RAPGEF4: variants seen among roughly 807,000 people sequenced by gnomAD.
RAPGEF4 encodes the protein Rap guanine nucleotide exchange factor 4, also known as RAP guanine-nucleotide-exchange factor (GEF) 4.
A neutral mutation model predicts 147.9 loss-of-function variants in RAPGEF4; 66 were observed. That is an observed-to-expected ratio of 0.45 (90% CI 0.37 to 0.55). RAPGEF4 has a LOEUF of 0.55. Ranked by LOEUF, RAPGEF4 falls within the 20% of genes least tolerant of loss-of-function variation. The probability of loss-of-function intolerance (pLI) is 0.00; values close to 1 mark genes in which losing one functional copy is unlikely to be tolerated. For missense variants in RAPGEF4, 1,071 were observed against 1,257.3 expected (o/e 0.85, Z 2.24); for synonymous variants, 419 against 442.7 (o/e 0.95, Z 0.67).
At chr2:172,963,749 A>C (rs992596796) in intron 8 of RAPGEF4, among the ~76,000 whole-genome samples, 1 of 152,142 alleles carries the variant, frequency 6.6e-6, no homozygotes, top group Non-Finnish European at 1.5e-5. Flanking sequence ...TTCCAGTTCC[A>C]TCCTCTCTCT....
intron 1 of RAPGEF4, among the ~76,000 whole-genome samples, chr2:172,775,691 A>C (rs1684093389): frequency 6.6e-6 from 1 of 151,908 alleles, no homozygotes; most frequent in African/African-American, 2.4e-5. Context: ...TATTAGACTC[A>C]GTGGGTATGA....
rs138162972 is a variant in RAPGEF4 at position 172,766,856 on chromosome 2, A to G, written c.66-28169A>G. ...AACAACTCATAACTTTTCATTTCTG[A>G]GTAGTATTCCATTGCGTGCATATAC... On this transcript the variant is annotated intron_variant, in intron 1 of 30. Transcript: ENST00000397081. Among the ~76,000 whole-genome samples, 95 of 152,356 alleles carry G rather than the reference A, an allele frequency of 6.2e-4. No homozygotes were observed. In the East Asian group the frequency reaches 9.6e-3, roughly 15 times the overall value.
intron 6 of RAPGEF4, among the ~76,000 whole-genome samples, chr2:172,947,816 T>C (rs1169049126): frequency 6.6e-6 from 1 of 152,162 alleles, no homozygotes; most frequent in Non-Finnish European, 1.5e-5. Context: ...TTAAAGAATA[T>C]ATATACATAG....
Position 173,051,749 on chromosome 2 carries a change from A to C in RAPGEF4, c.3018A>C (p.Leu1006Phe), listed in dbSNP as rs1406577544. 6.2e-7 allele frequency: 1 copy of C among 1,614,070 alleles called. No individual in the cohort carries two copies. Among genetic ancestry groups the C allele is most frequent in the Non-Finnish European group, 8.5e-7 (1 of 1,179,928 alleles). Reference protein sequence around the residue: ...QRTLSQMSHRLEPRRP With the variant: ...QRTLSQMSHRFEPRRP ...CTTTATCACAGATGTCACACAGATT[A>C]GAGCCTCGTCGACCATAGACATTTC... Residue 1006 changes from leucine to phenylalanine, a missense_variant, in exon 31 of 31, where the codon TTA becomes TTC. Coordinates refer to ENST00000397081, the MANE Select transcript of RAPGEF4 (RefSeq NM_007023.4).
chr2:172,832,112 A>G (rs928791136), intron 4 of RAPGEF4, among the ~76,000 whole-genome samples: 24 of 152,224 alleles, frequency 1.6e-4, no homozygotes, highest in Non-Finnish European at 2.9e-5. Flanking sequence ...TAATAGTGTG[A>G]AATATTGCCT....
chr2:172,961,631 C>T (rs930284739), intron 8 of RAPGEF4, among the ~76,000 whole-genome samples: 10 of 152,172 alleles, frequency 6.6e-5, no homozygotes, highest in African/African-American at 2.4e-4. Flanking sequence ...CACTGCTAGA[C>T]ATGTAGACCA....
intron 6 of RAPGEF4, among the ~76,000 whole-genome samples, chr2:172,923,122 A>T (rs139131067): frequency 6.6e-6 from 1 of 152,118 alleles, no homozygotes; most frequent in Non-Finnish European, 1.5e-5. Context: ...TCTGAATTCA[A>T]TTTAGATTAT....
At chr2:172,930,643 C>T (rs529933078) in intron 6 of RAPGEF4, among the ~76,000 whole-genome samples, 6 of 152,130 alleles carry the variant, frequency 3.9e-5, no homozygotes, top group African/African-American at 1.4e-4. Flanking sequence ...CTGCCAGCCA[C>T]CCCCACTCAA....
At chr2:172,857,159 C>T (rs145909076) in intron 4 of RAPGEF4, among the ~76,000 whole-genome samples, 275 of 141,238 alleles carry the variant, frequency 1.9e-3, no homozygotes, top group Non-Finnish European at 3.1e-3. Flanking sequence ...ATTTAAAATA[C>T]GCGCGTGTGC....
intron 4 of RAPGEF4, among the ~76,000 whole-genome samples, chr2:172,836,222 C>G (rs1245408437): frequency 6.6e-6 from 1 of 152,174 alleles, no homozygotes; most frequent in Non-Finnish European, 1.5e-5. Flanking sequence ...CCAAAAATCT[C>G]TCATGTATGG....
intron 4 of RAPGEF4, among the ~76,000 whole-genome samples, chr2:172,870,273 A>C (rs927626658): frequency 1.3e-5 from 2 of 152,194 alleles, no homozygotes; most frequent in African/African-American, 2.4e-5. Context: ...GTATATATGC[A>C]TATGATCAGC....
intron 4 of RAPGEF4, among the ~76,000 whole-genome samples, chr2:172,823,970 AGTGG>A (rs1452638089): frequency 6.6e-6 from 1 of 152,218 alleles, no homozygotes; most frequent in Non-Finnish European, 1.5e-5. Flanking sequence ...TGCTGACAGG[AGTGG>A]TCACAGTTAA....
intron 4 of RAPGEF4, among the ~76,000 whole-genome samples, chr2:172,906,588 T>A (rs1344590): frequency 0.97 from 147,934 of 152,304 alleles, 71,973 homozygotes; most frequent in East Asian, 1. Context: ...TGGGAAGGGG[T>A]GTGCCCAAAG....
At chr2:172,990,174 C>T (rs551697229) in intron 14 of RAPGEF4, among the ~76,000 whole-genome samples, 19 of 152,210 alleles carry the variant, frequency 1.2e-4, no homozygotes, top group Non-Finnish European at 1.2e-4. Flanking sequence ...TTTAAACTAA[C>T]TATTTACAAT....
chr2:172,793,801 C>T (rs1362379215), intron 1 of RAPGEF4, among the ~76,000 whole-genome samples: 1 of 152,052 alleles, frequency 6.6e-6, no homozygotes, highest in East Asian at 1.9e-4. Context: ...GCATCTATTC[C>T]AGAGATTTTT....
At chr2:173,024,367 G>C (rs1353395266) in intron 23 of RAPGEF4, among the ~76,000 whole-genome samples, 1 of 149,352 alleles carries the variant, frequency 6.7e-6, no homozygotes, top group African/African-American at 2.4e-5. Context: ...ACAGGCGCCC[G>C]CCACTACGCC....
At chr2:173,044,872 A>G (rs1357518668) in intron 29 of RAPGEF4, among the ~76,000 whole-genome samples, 2 of 152,064 alleles carry the variant, frequency 1.3e-5, no homozygotes, top group Non-Finnish European at 2.9e-5. Flanking sequence ...GCTACTGGGG[A>G]AAAAAAGATG....
At chr2:172,950,799 A>G (rs1400568189) in intron 6 of RAPGEF4, among the ~76,000 whole-genome samples, 2 of 152,246 alleles carry the variant, frequency 1.3e-5, no homozygotes, top group South Asian at 2.1e-4. Flanking sequence ...ATATTGGCTT[A>G]TTTAGATAAC....
chr2:172,943,136 G>A (rs1483991963), intron 6 of RAPGEF4, among the ~76,000 whole-genome samples: 1 of 152,104 alleles, frequency 6.6e-6, no homozygotes, highest in Admixed American at 6.6e-5. Context: ...AAAAGCGTTT[G>A]GCATATTTGA....
Sources: gnomAD v4.1 joint callset for allele counts (sites outside exome capture counted in the v4.1 genomes callset) on GRCh38, gnomAD v4.1.1 for gene constraint, MANE v1.5 for transcripts, NCBI Gene and HGNC (gene_info 2026-07-23, HGNC 2026-07-21) for gene names.